Variants in NRXN1 observed in about 807,000 individuals in gnomAD.
The protein encoded by NRXN1 is neurexin 1.
In NRXN1, 39 loss-of-function variants were observed where a neutral mutation model predicts 150.9. The observed-to-expected ratio is 0.26, with a 90% CI of 0.20 to 0.34. NRXN1 has a LOEUF of 0.34. NRXN1 is among the 10% of genes least tolerant of loss of function. The probability of loss-of-function intolerance (pLI) is 1.00; values close to 1 mark genes in which losing one functional copy is unlikely to be tolerated. For synonymous variants in NRXN1, 924 were observed against 757.0 expected (o/e 1.22, Z -3.62); for missense variants, 1,815 against 1,949.9 (o/e 0.93, Z 1.30).
At chr2:50,911,833 T>C (rs1404609391) in intron 5 of NRXN1, among the ~76,000 whole-genome samples, 1 of 151,888 alleles carries the variant, frequency 6.6e-6, no homozygotes, top group East Asian at 1.9e-4. Context: ...GTCTGAACTC[T>C]ACACAATGAA....
At chr2:50,992,808 T>A (rs1182853136) in intron 2 of NRXN1, among the ~76,000 whole-genome samples, 2 of 151,948 alleles carry the variant, frequency 1.3e-5, no homozygotes, top group Non-Finnish European at 2.9e-5. Context: ...GAATAGTTTA[T>A]GCAGACAATT....
chr2:50,883,481 A>G (rs1332262753), intron 5 of NRXN1, among the ~76,000 whole-genome samples: 1 of 151,604 alleles, frequency 6.6e-6, no homozygotes, highest in African/African-American at 2.4e-5. Context: ...CAAATATTCA[A>G]ACACTGGAAA....
intron 17 of NRXN1, among the ~76,000 whole-genome samples, chr2:50,313,313 A>T (rs995042898): frequency 6.6e-6 from 1 of 152,078 alleles, no homozygotes; most frequent in Non-Finnish European, 1.5e-5. Flanking sequence ...TTATGATTTG[A>T]TTCTTCACTG....
In NRXN1 at chr2:50,495,700, T is replaced by C. The variant is rs559684268; in HGVS notation, c.3070+205A>G. On this transcript the variant is annotated intron_variant, in intron 15 of 22. Coordinates refer to ENST00000401669, the MANE Select transcript of NRXN1 (RefSeq NM_001330078.2). ...GCATGCTTCCTTAGGTGCTGCATTT[T>C]TTGAGCTGTTATTAAAAATACATAG... Among the ~76,000 whole-genome samples the C allele has an allele frequency of 2.0e-5, 3 of 152,274 alleles. No individual in the cohort carries two copies. In the East Asian group the frequency reaches 5.8e-4, roughly 29 times the overall value.
chr2:50,847,181 G>A (rs1324801010), intron 5 of NRXN1, among the ~76,000 whole-genome samples: 11 of 152,012 alleles, frequency 7.2e-5, no homozygotes, highest in Non-Finnish European at 1.5e-4. Flanking sequence ...AAGAGACAAG[G>A]GAAGGAGAAG....
At chr2:50,399,747 A>C (rs1156977231) in intron 17 of NRXN1, among the ~76,000 whole-genome samples, 1 of 126,066 alleles carries the variant, frequency 7.9e-6, no homozygotes, top group Admixed American at 9.4e-5. Context: ...GCAAAAACTT[A>C]CACTATTCCA....
At chr2:50,139,749 G>C (rs1706992727) in intron 18 of NRXN1, among the ~76,000 whole-genome samples, 1 of 152,128 alleles carries the variant, frequency 6.6e-6, no homozygotes, top group South Asian at 2.1e-4. Flanking sequence ...TACTCGACTA[G>C]TCACATAGAC....
chr2:50,988,083 C>T (rs1697989600), intron 2 of NRXN1, among the ~76,000 whole-genome samples: 1 of 151,912 alleles, frequency 6.6e-6, no homozygotes. Context: ...AGTTCTGATG[C>T]AACAGTGCTT....
At chr2:50,363,715 A>G (rs13392726) in intron 17 of NRXN1, among the ~76,000 whole-genome samples, 3,838 of 152,348 alleles carry the variant, frequency 0.025, 134 homozygotes, top group African/African-American at 0.087. Context: ...TAGGAATACC[A>G]TTTGATTCAG....
At chr2:50,842,730 T>C (rs1673053794) in intron 5 of NRXN1, among the ~76,000 whole-genome samples, 1 of 152,170 alleles carries the variant, frequency 6.6e-6, no homozygotes, top group South Asian at 2.1e-4. Context: ...TACATGTTCA[T>C]GGGATGACTT....
At chr2:50,381,950 C>G (rs943311356) in intron 17 of NRXN1, among the ~76,000 whole-genome samples, 4 of 152,010 alleles carry the variant, frequency 2.6e-5, no homozygotes, top group Non-Finnish European at 5.9e-5. Flanking sequence ...CCTATGAATT[C>G]CAGAGAAGAC....
chr2:50,158,654 C>G (rs140832038), intron 18 of NRXN1, among the ~76,000 whole-genome samples: 4 of 152,100 alleles, frequency 2.6e-5, no homozygotes, highest in African/African-American at 9.6e-5. Flanking sequence ...GAGTGTTAAG[C>G]CATTGCTTTG....
rs532588839 is a variant in NRXN1, at chr2:50,084,423, C to G, written c.3718+6900G>C. ...GGTGGGCCGGCACTGATGGGGGACC[C>G]TGCGCACTCTCTGCATCTGCTGGCC... is the stretch of plus-strand genomic sequence containing the variant. On this transcript the variant is annotated intron_variant, in intron 19 of 22. Transcript: ENST00000401669. 9.8e-4 allele frequency among the ~76,000 whole-genome samples: 150 copies of G among 152,310 alleles called. No individual in the cohort carries two copies. The South Asian group carries it at 0.012, about 12-fold the overall frequency.
chr2:50,018,753 C>T (rs912578805), intron 21 of NRXN1, among the ~76,000 whole-genome samples: 5 of 152,308 alleles, frequency 3.3e-5, no homozygotes, highest in African/African-American at 1.2e-4. Flanking sequence ...GGTATATCAT[C>T]TTCTGCCACA....
chr2:49,971,448 T>C (rs1039950754), intron 21 of NRXN1, among the ~76,000 whole-genome samples: 1 of 152,184 alleles, frequency 6.6e-6, no homozygotes, highest in Non-Finnish European at 1.5e-5. Flanking sequence ...AATGTTATTG[T>C]AACCAGACAT....
intron 8 of NRXN1, among the ~76,000 whole-genome samples, chr2:50,580,798 C>A (rs768982942): frequency 1.7e-4 from 26 of 152,088 alleles, no homozygotes; most frequent in Admixed American, 3.3e-4. Context: ...AGCAGAAGGG[C>A]TTATTTCCAT....
intron 5 of NRXN1, among the ~76,000 whole-genome samples, chr2:50,642,556 T>A (rs1373805679): frequency 6.6e-6 from 1 of 151,916 alleles, no homozygotes; most frequent in East Asian, 1.9e-4. Context: ...TTGTAAAAAG[T>A]CCTTGAAAAA....
rs189966717 is a variant in NRXN1, at chr2:50,383,159, A to C, written c.3364+82283T>G. On this transcript the variant is annotated intron_variant, in intron 17 of 22. Transcript: ENST00000401669. Reference sequence around the variant, plus strand: ...AAATTTTCCTAAAACTTTGAATCCCAACTTAGGTCTTCCTGGTATACTATT... The same window carrying C: ...AAATTTTCCTAAAACTTTGAATCCCCACTTAGGTCTTCCTGGTATACTATT... Among the ~76,000 whole-genome samples, 719 of 152,296 alleles carry C rather than the reference A, an allele frequency of 4.7e-3. 4 individuals carry two copies. Among genetic ancestry groups the C allele is most frequent in the Non-Finnish European group, 8.2e-3 (560 of 68,028 alleles).
In NRXN1 at chr2:50,875,636, T is replaced by G. The variant is rs946975185; in HGVS notation, c.832+46233A>C. Among the ~76,000 whole-genome samples, 8 of 151,938 alleles carry G rather than the reference T, an allele frequency of 5.3e-5. No individual in the cohort carries two copies. The East Asian group carries it at 1.6e-3, about 30-fold the overall frequency. On this transcript the variant is annotated intron_variant, in intron 5 of 22. Transcript: ENST00000401669. ...AAGCTAAGCTCCTCAATTGAGATTT[T>G]ATTTCTTTTCCCAATTACATTCTCC...
Sources: allele counts gnomAD v4.1 joint callset (sites outside exome capture counted in the v4.1 genomes callset), GRCh38; gene constraint gnomAD v4.1.1; transcripts MANE v1.5; gene names NCBI Gene and HGNC (gene_info 2026-07-23, HGNC 2026-07-21).